The following CDYL2 variants were observed in gnomAD, a reference collection of about 807,000 sequenced individuals.
The protein encoded by CDYL2 is chromodomain Y-like protein 2.
In CDYL2, 23 loss-of-function variants were observed where a neutral mutation model predicts 49.4. That is an observed-to-expected ratio of 0.47 (90% CI 0.34 to 0.66). The LOEUF is 0.66. Among genes scored for constraint, CDYL2 ranks in the 30% least tolerant of loss-of-function variants. The pLI, the probability that CDYL2 is intolerant of heterozygous loss-of-function variation, is 0.01. For missense variants in CDYL2, 678 were observed against 656.4 expected, an observed-to-expected ratio of 1.03 and a Z score of -0.36; for synonymous variants, 360 against 268.8, an observed-to-expected ratio of 1.34 and a Z score of -3.32.
intron 2 of CDYL2, among the ~76,000 whole-genome samples, chr16:80,671,187 G>C (rs1240714322): frequency 1.3e-5 from 2 of 152,324 alleles, no homozygotes; most frequent in African/African-American, 4.8e-5. Context: ...ATAGGTAGTA[G>C]AGGTGTCTGG....
At chr16:80,730,891 T>C (rs1190655398) in intron 1 of CDYL2, among the ~76,000 whole-genome samples, 1 of 152,126 alleles carries the variant, frequency 6.6e-6, no homozygotes, top group Admixed American at 6.5e-5. Flanking sequence ...TATAAAATTG[T>C]GAAAATGTAA....
chr16:80,796,678 G>T (rs894833855), intron 1 of CDYL2, among the ~76,000 whole-genome samples: 2 of 152,210 alleles, frequency 1.3e-5, no homozygotes, highest in Admixed American at 6.5e-5. Flanking sequence ...GGGGCAGAGA[G>T]TGTATAGAAC....
At chr16:80,614,793 G>A (rs1157719264) in intron 4 of CDYL2, among the ~76,000 whole-genome samples, 2 of 151,418 alleles carry the variant, frequency 1.3e-5, no homozygotes, top group Admixed American at 6.6e-5. Context: ...GAACCCAGGA[G>A]GTGGAGGTTG....
intron 1 of CDYL2, among the ~76,000 whole-genome samples, chr16:80,766,455 T>C (rs1906729341): frequency 6.6e-6 from 1 of 152,186 alleles, no homozygotes; most frequent in Non-Finnish European, 1.5e-5. Flanking sequence ...TTGACCAATA[T>C]TCAATGAAAA....
rs924952536 is a variant in CDYL2, at chr16:80,745,536, C to T, written c.24+58614G>A. On this transcript the variant is annotated intron_variant, in intron 1 of 6. Coordinates refer to ENST00000570137, the MANE Select transcript of CDYL2 (RefSeq NM_152342.4). ...CCCTAAAAAGAATATAAAAACAGTACCCCCTTCATGGAGTTGGTGTGAGGA... is the reference window on the plus strand; with the variant it reads ...CCCTAAAAAGAATATAAAAACAGTATCCCCTTCATGGAGTTGGTGTGAGGA... 4.6e-5 allele frequency among the ~76,000 whole-genome samples: 7 copies of T among 152,218 alleles called. No individual in the cohort carries two copies. In the South Asian group the frequency reaches 8.3e-4, roughly 18 times the overall value.
intron 1 of CDYL2, among the ~76,000 whole-genome samples, chr16:80,688,389 T>C (rs1026247): frequency 0.43 from 64,869 of 152,008 alleles, 17,076 homozygotes; most frequent in Middle Eastern, 0.62. Flanking sequence ...CTCTCTGGCC[T>C]TGGTGTCCCC....
intron 2 of CDYL2, among the ~76,000 whole-genome samples, chr16:80,641,612 C>G (rs1908090897): frequency 2.6e-5 from 4 of 151,928 alleles, no homozygotes; most frequent in African/African-American, 9.7e-5. Context: ...ATGCATGAAA[C>G]TGGAAACCAT....
chr16:80,659,491 C>T (rs1448792692), intron 2 of CDYL2, among the ~76,000 whole-genome samples: 7 of 151,932 alleles, frequency 4.6e-5, no homozygotes, highest in Non-Finnish European at 1.0e-4. Context: ...AAAGAATATC[C>T]TTTTATAAAA....
chr16:80,672,537 A>AAGGAG (rs1909565601), intron 2 of CDYL2, among the ~76,000 whole-genome samples: 1 of 64,970 alleles, frequency 1.5e-5, no homozygotes, highest in Non-Finnish European at 3.3e-5. Context: ...GGAAAAGGAA[A>AAGGAG]AGGAAAGGAA....
intron 1 of CDYL2, among the ~76,000 whole-genome samples, chr16:80,772,421 T>A (rs985001655): frequency 6.6e-6 from 1 of 152,106 alleles, no homozygotes; most frequent in Admixed American, 6.5e-5. Context: ...ATGTCTAAGG[T>A]CTCTGAATTG....
intron 1 of CDYL2, among the ~76,000 whole-genome samples, chr16:80,690,754 G>A (rs193196387): frequency 3.3e-5 from 5 of 152,104 alleles, no homozygotes; most frequent in East Asian, 3.9e-4. Flanking sequence ...CCATCACTTC[G>A]GATTAGCCTC....
intron 2 of CDYL2, among the ~76,000 whole-genome samples, chr16:80,652,394 T>C (rs543945267): frequency 2.6e-5 from 4 of 152,304 alleles, no homozygotes; most frequent in Admixed American, 1.3e-4. Flanking sequence ...TAGTACTGGA[T>C]TAAATCTGAA....
intron 1 of CDYL2, among the ~76,000 whole-genome samples, chr16:80,796,899 G>T (rs139096904): frequency 6.6e-6 from 1 of 152,040 alleles, no homozygotes; most frequent in Non-Finnish European, 1.5e-5. Context: ...TGCACCCCAA[G>T]GTTACCAATG....
chr16:80,746,956 A>G lies in CDYL2; in HGVS notation c.24+57194T>C, dbSNP rs116771858. Reference sequence around the variant, plus strand: ...TCAGCAGCCCTAGGACTATATTCCAATATGGTAACAACTGGCTGGATTTCA... The same window carrying G: ...TCAGCAGCCCTAGGACTATATTCCAGTATGGTAACAACTGGCTGGATTTCA... On this transcript the variant is annotated intron_variant, in intron 1 of 6. Transcript: ENST00000570137. Among the ~76,000 whole-genome samples the G allele has an allele frequency of 9.4e-3, 1,430 of 152,224 alleles. 27 individuals carry two copies. Among genetic ancestry groups the G allele is most frequent in the African/African-American group, 0.032 (1,344 of 41,530 alleles).
intron 1 of CDYL2, among the ~76,000 whole-genome samples, chr16:80,691,791 A>G (rs893990357): frequency 6.6e-6 from 1 of 152,170 alleles, no homozygotes; most frequent in Non-Finnish European, 1.5e-5. Context: ...AGAAGAAGAG[A>G]TACATGATGA....
At chr16:80,701,495 A>T (rs1242339145) in intron 1 of CDYL2, among the ~76,000 whole-genome samples, 1 of 152,226 alleles carries the variant, frequency 6.6e-6, no homozygotes, top group East Asian at 1.9e-4. Context: ...TTCTGTTTTT[A>T]AAAATGACCA....
At position 80,612,656 on chromosome 16, in the gene CDYL2, G is replaced by T; in HGVS notation, c.1188C>A (p.Tyr396Ter). The change falls in exon 5 of 7, where the codon TAC becomes TAA. Residue 396 changes from tyrosine (Y) to a stop codon, truncating the protein, a stop_gained. Transcript: ENST00000570137. LOFTEE classifies it high-confidence loss of function. This position sits in a 1 kb window ranked among gnomAD's most constrained non-coding sequence, Gnocchi z 5.0. ...IRLTPAGCSS[Y>*]TFPQILGVAL... The stretch of plus-strand genomic sequence containing the variant: ...CGACGCCCAGGATCTGGGGGAAGGT[G>T]TAGGAGGAGCAGCCAGCAGGCGTGA... 6.2e-7 allele frequency: 1 copy of T among 1,612,444 alleles called. No homozygotes were observed. The highest frequency in any genetic ancestry group is 8.5e-7 in the Non-Finnish European group (1 of 1,179,612).
At chr16:80,781,406 A>G (rs1907262867) in intron 1 of CDYL2, among the ~76,000 whole-genome samples, 1 of 152,178 alleles carries the variant, frequency 6.6e-6, no homozygotes, top group Non-Finnish European at 1.5e-5. Flanking sequence ...AACTGACAAA[A>G]TAGGAGGGAG....
chr16:80,646,183 A>G (rs1019632629), intron 2 of CDYL2, among the ~76,000 whole-genome samples: 1 of 152,138 alleles, frequency 6.6e-6, no homozygotes, highest in African/African-American at 2.4e-5. Context: ...GGTCCCTCCC[A>G]CAATATGTGG....
Sources: allele counts gnomAD v4.1 joint callset (sites outside exome capture counted in the v4.1 genomes callset), GRCh38; gene constraint gnomAD v4.1.1; non-coding constraint Gnocchi (gnomAD v3.1); transcripts MANE v1.5; gene names NCBI Gene and HGNC (gene_info 2026-07-23, HGNC 2026-07-21).